Variants in RGPD2 observed in about 807,000 individuals in gnomAD.
RGPD2 encodes RANBP2-like and GRIP domain-containing protein 2.
Under a neutral mutation model 36.0 loss-of-function variants are expected in RGPD2, and 2 were observed. The observed-to-expected ratio is 0.06, with a 90% CI of 0.02 to 0.17. The LOEUF (loss-of-function observed/expected upper bound fraction) is 0.17, where lower values mean the gene tolerates loss of function less well. Among genes scored for constraint, RGPD2 ranks in the 10% least tolerant of loss-of-function variants. RGPD2 has a pLI of 1.00. For missense variants in RGPD2, 40 were observed against 464.3 expected (o/e 0.09, Z 8.40); for synonymous variants, 19 against 163.8 (o/e 0.12, Z 6.75).
chr2:87,844,772 TG>T, the RGPD2 span, among the ~76,000 whole-genome samples: 1 of 150,548 alleles, frequency 6.6e-6, no homozygotes, highest in South Asian at 2.1e-4. Context: ...ACAATTTCAT[TG>T]TTTCTTCAAA....
the RGPD2 span, among the ~76,000 whole-genome samples, chr2:87,986,767 C>G: frequency 2.0e-5 from 3 of 151,362 alleles, no homozygotes; most frequent in East Asian, 6.0e-4. Context: ...GTAATCCCAG[C>G]TACTCAGGAG....
the RGPD2 span, among the ~76,000 whole-genome samples, chr2:87,866,627 G>A: frequency 1.3e-5 from 2 of 152,270 alleles, no homozygotes; most frequent in African/African-American, 4.8e-5. Flanking sequence ...GCCACGCAGG[G>A]TGCATGGTGG....
At chr2:87,837,289 T>C in the RGPD2 span, among the ~76,000 whole-genome samples, 1 of 151,924 alleles carries the variant, frequency 6.6e-6, no homozygotes, top group Non-Finnish European at 1.5e-5. Flanking sequence ...CATCTGCACA[T>C]GGCACATACC....
intron 22 of RGPD2, among the ~76,000 whole-genome samples, 200 bp downstream of exon 22, chr2:87,771,969 G>A (rs1405254148): frequency 6.3e-4 from 95 of 151,730 alleles, no homozygotes; most frequent in Non-Finnish European, 1.0e-3. Context: ...TTTGCTGAAC[G>A]TTAAAATTAT....
chr2:87,913,071 T>C, the RGPD2 span, among the ~76,000 whole-genome samples: 2 of 152,150 alleles, frequency 1.3e-5, no homozygotes, highest in Non-Finnish European at 2.9e-5. Context: ...TAAGTGAAAA[T>C]AATTATAAAA....
chr2:87,988,805 T>C, the RGPD2 span, among the ~76,000 whole-genome samples: 1 of 151,914 alleles, frequency 6.6e-6, no homozygotes, highest in African/African-American at 2.4e-5. Flanking sequence ...TCTCACAAAA[T>C]GTTGGGATTA....
intron 1 of RGPD2, among the ~76,000 whole-genome samples, chr2:87,822,212 A>C (rs1458009394): frequency 6.6e-6 from 1 of 152,324 alleles, no homozygotes; most frequent in South Asian, 2.1e-4. Context: ...AGGGTAAGGA[A>C]ATCTCTCAAA....
At chr2:87,858,382 G>A in the RGPD2 span, among the ~76,000 whole-genome samples, 7 of 151,710 alleles carry the variant, frequency 4.6e-5, no homozygotes, top group South Asian at 2.1e-4. Context: ...TTGGGGTTGC[G>A]GGGGTATACC....
At chr2:87,888,186 T>C in the RGPD2 span, among the ~76,000 whole-genome samples, 1 of 151,830 alleles carries the variant, frequency 6.6e-6, no homozygotes, top group African/African-American at 2.4e-5. Flanking sequence ...CAGAAACACA[T>C]GAATGTTTTT....
the RGPD2 span, among the ~76,000 whole-genome samples, chr2:87,957,369 C>CT: frequency 3.9e-5 from 1 of 25,558 alleles, no homozygotes; most frequent in Non-Finnish European, 1.2e-4. Flanking sequence ...AGAAAGAGAA[C>CT]CTTTCCAGAA....
the RGPD2 span, among the ~76,000 whole-genome samples, chr2:87,840,024 T>C: frequency 6.7e-6 from 1 of 149,064 alleles, no homozygotes; most frequent in African/African-American, 2.5e-5. Context: ...ATATGGTGTG[T>C]ACTGAATTTA....
chr2:87,956,437 G>A, the RGPD2 span, among the ~76,000 whole-genome samples: 1 of 149,074 alleles, frequency 6.7e-6, no homozygotes, highest in East Asian at 2.0e-4. Context: ...ACGCACGTGC[G>A]TGTGTGTCTA....
chr2:87,916,962 T>C, the RGPD2 span, among the ~76,000 whole-genome samples: 1 of 151,956 alleles, frequency 6.6e-6, no homozygotes, highest in African/African-American at 2.4e-5. Flanking sequence ...CCTGTGACAA[T>C]GGAGTGATTT....
the RGPD2 span, among the ~76,000 whole-genome samples, chr2:87,881,999 G>A: frequency 4.9e-4 from 74 of 152,138 alleles, no homozygotes; most frequent in East Asian, 0.013. Flanking sequence ...AAGCAAGAAA[G>A]ATAGTTGGGG....
At chr2:87,876,224 G>A in the RGPD2 span, among the ~76,000 whole-genome samples, 1 of 139,596 alleles carries the variant, frequency 7.2e-6, no homozygotes, top group East Asian at 2.0e-4. Flanking sequence ...ATCTCCTTCA[G>A]TTCAGCTCTG....
At chr2:87,769,288 G>C (rs532983403) in intron 22 of RGPD2, among the ~76,000 whole-genome samples, 367 of 151,662 alleles carry the variant, frequency 2.4e-3, no homozygotes, top group African/African-American at 8.4e-3. Context: ...CTCTTAAAGA[G>C]AAAATGTAAG....
At chr2:87,984,077 AG>A in the RGPD2 span, among the ~76,000 whole-genome samples, 1 of 142,110 alleles carries the variant, frequency 7.0e-6, no homozygotes, top group Admixed American at 7.2e-5. Context: ...ACATAGACAA[AG>A]GACATGAAAT....
rs188500367 is a variant in RGPD2, at chr2:87,760,908, T to C, written c.5237-3482A>G. Among the ~76,000 whole-genome samples the C allele has an allele frequency of 1.2e-3, 178 of 150,546 alleles. 5 individuals are homozygous for C. The East Asian group carries it at 0.028, about 23-fold the overall frequency. On this transcript the variant is annotated intron_variant, in intron 22 of 22. Coordinates refer to ENST00000398146, the MANE Select transcript of RGPD2 (RefSeq NM_001078170.3). ...CTGGCATTATAGGCGTAAGCCACCATGCCTGGCTTTCTCTTTTTCTTCTCT... is the reference window on the plus strand; with the variant it reads ...CTGGCATTATAGGCGTAAGCCACCACGCCTGGCTTTCTCTTTTTCTTCTCT...
chr2:87,972,803 T>C, the RGPD2 span: 2 of 1,611,784 alleles, frequency 1.2e-6, no homozygotes, highest in East Asian at 4.5e-5. Context: ...GACTGGCTGC[T>C]GCACCTACTA....
Sources: allele counts gnomAD v4.1 joint callset (sites outside exome capture counted in the v4.1 genomes callset), GRCh38; gene constraint gnomAD v4.1.1; transcripts MANE v1.5; gene names NCBI Gene and HGNC (gene_info 2026-07-23, HGNC 2026-07-21).